The following GRK3 variants were observed in gnomAD, a reference collection of about 807,000 sequenced individuals.
The protein encoded by GRK3 is G protein-coupled receptor kinase 3.
GRK3 carries 54 observed loss-of-function variants against 95.7 expected under a neutral mutation model. That is an observed-to-expected ratio of 0.56 (90% CI 0.45 to 0.71). GRK3 has a LOEUF of 0.71. Ranked by LOEUF, GRK3 falls within the 30% of genes least tolerant of loss-of-function variation. The probability of loss-of-function intolerance (pLI) is 0.00; values close to 1 mark genes in which losing one functional copy is unlikely to be tolerated. For missense variants in GRK3, 649 were observed against 851.2 expected (o/e 0.76, Z 2.96); for synonymous variants, 281 against 290.8 (o/e 0.97, Z 0.34).
intron 17 of GRK3, among the ~76,000 whole-genome samples, chr22:25,713,825 C>T (rs1316100581): frequency 1.3e-5 from 2 of 152,176 alleles, no homozygotes; most frequent in African/African-American, 2.4e-5. Flanking sequence ...ATTGCCTGAA[C>T]TCCCCATATG....
chr22:25,662,810 A>G (rs184450408), intron 4 of GRK3, among the ~76,000 whole-genome samples: 40 of 152,290 alleles, frequency 2.6e-4, no homozygotes, highest in Middle Eastern at 3.4e-3. Context: ...TATTCGTATG[A>G]TGGTACTTTT....
chr22:25,690,160 T>G, intron 11 of GRK3, 29 bp from the exon 12 acceptor site: 1 of 1,570,884 alleles, frequency 6.4e-7, no homozygotes, highest in Non-Finnish European at 8.8e-7. Context: ...TGGGGCACTC[T>G]TATTAAAGAT....
chr22:25,618,040 TG>T, intron 2 of GRK3, among the ~76,000 whole-genome samples: 1 of 152,242 alleles, frequency 6.6e-6, no homozygotes, highest in Non-Finnish European at 1.5e-5. Flanking sequence ...CCCAAAGTGC[TG>T]GGATTACAGG....
chr22:25,581,899 CTT>C (rs1464143708), intron 1 of GRK3, among the ~76,000 whole-genome samples: 1 of 151,926 alleles, frequency 6.6e-6, no homozygotes, highest in African/African-American at 2.4e-5. Flanking sequence ...GTAAGTCTCT[CTT>C]ATTAAAATTA....
intron 1 of GRK3, among the ~76,000 whole-genome samples, 173 bp downstream of exon 1, chr22:25,565,326 T>C (rs1364938719): frequency 6.6e-6 from 1 of 152,034 alleles, no homozygotes; most frequent in Non-Finnish European, 1.5e-5. Flanking sequence ...AAATGGGGCA[T>C]CGGAGGGCCG....
At chr22:25,694,354 C>T (rs924548019) in intron 12 of GRK3, among the ~76,000 whole-genome samples, 3 of 152,166 alleles carry the variant, frequency 2.0e-5, no homozygotes, top group South Asian at 2.1e-4. Flanking sequence ...CTGCTGCAGC[C>T]GGGCAAGCTC....
At chr22:25,602,274 C>G (rs1453859051) in intron 1 of GRK3, among the ~76,000 whole-genome samples, 1 of 152,164 alleles carries the variant, frequency 6.6e-6, no homozygotes, top group Non-Finnish European at 1.5e-5. Flanking sequence ...CAATAAAATA[C>G]TACTACACAC....
intron 15 of GRK3, among the ~76,000 whole-genome samples, chr22:25,707,878 G>A (rs1189047029): frequency 2.0e-5 from 3 of 151,946 alleles, no homozygotes; most frequent in South Asian, 2.1e-4. Flanking sequence ...CTGGTGCCTC[G>A]GTGTTTCTGG....
chr22:25,709,596 TTG>T (rs3830752), intron 15 of GRK3, among the ~76,000 whole-genome samples: 16 of 150,496 alleles, frequency 1.1e-4, no homozygotes, highest in Non-Finnish European at 1.5e-4. Flanking sequence ...TATAGAATTA[TTG>T]TGTGTGTGTG....
chr22:25,648,980 A>T (rs976593992), intron 3 of GRK3: 3 of 1,028,236 alleles, frequency 2.9e-6, no homozygotes, highest in Non-Finnish European at 4.6e-6. Context: ...GCTCATTTGG[A>T]ATTCTACAGA....
At chr22:25,705,636 A>T (rs1475664604) in intron 15 of GRK3, among the ~76,000 whole-genome samples, 1 of 152,138 alleles carries the variant, frequency 6.6e-6, no homozygotes, top group African/African-American at 2.4e-5. Flanking sequence ...TCAAAAAAGA[A>T]TATGATAGTT....
intron 1 of GRK3, among the ~76,000 whole-genome samples, chr22:25,603,449 A>C (rs945081324): frequency 1.1e-4 from 16 of 152,142 alleles, no homozygotes; most frequent in African/African-American, 3.4e-4. Context: ...TCAAAGTTGA[A>C]TGTATGTGTG....
At chr22:25,691,982 G>A (rs1398559100) in intron 12 of GRK3, among the ~76,000 whole-genome samples, 1 of 151,806 alleles carries the variant, frequency 6.6e-6, no homozygotes, top group African/African-American at 2.4e-5. Context: ...TTATTTTTTT[G>A]AGACAGGGTC....
At chr22:25,623,293 G>A (rs961691040) in intron 2 of GRK3, among the ~76,000 whole-genome samples, 2 of 152,178 alleles carry the variant, frequency 1.3e-5, no homozygotes, top group Non-Finnish European at 2.9e-5. Flanking sequence ...TAGCTAATGC[G>A]CAGAAAGATG....
chr22:25,648,813 G>C, intron 3 of GRK3: 1 of 1,180,480 alleles, frequency 8.5e-7, no homozygotes, highest in Non-Finnish European at 1.3e-6. Flanking sequence ...TAATATTCTT[G>C]TAGGAGAAAA....
intron 1 of GRK3, among the ~76,000 whole-genome samples, chr22:25,595,343 C>T (rs2084365403): frequency 1.3e-5 from 2 of 152,148 alleles, no homozygotes; most frequent in South Asian, 4.1e-4. Flanking sequence ...AAATCAGTAG[C>T]ATTTCTATAC....
At chr22:25,634,823 C>G (rs2084688247) in intron 2 of GRK3, among the ~76,000 whole-genome samples, 1 of 152,116 alleles carries the variant, frequency 6.6e-6, no homozygotes, top group Non-Finnish European at 1.5e-5. Flanking sequence ...TAGTTAAAAG[C>G]CAAATTTCAG....
intron 3 of GRK3, among the ~76,000 whole-genome samples, chr22:25,653,688 A>T (rs2084850072): frequency 6.6e-6 from 1 of 152,196 alleles, no homozygotes; most frequent in Non-Finnish European, 1.5e-5. Flanking sequence ...CCTAGCAAAA[A>T]TAGAATTCAC....
intron 9 of GRK3, among the ~76,000 whole-genome samples, chr22:25,680,319 C>A (rs942780369): frequency 2.0e-5 from 3 of 152,170 alleles, no homozygotes; most frequent in Non-Finnish European, 2.9e-5. Flanking sequence ...AAGCATCCTG[C>A]ATACTCTGTT....
Sources: allele counts gnomAD v4.1 joint callset (sites outside exome capture counted in the v4.1 genomes callset), GRCh38; gene constraint gnomAD v4.1.1; transcripts MANE v1.5; gene names NCBI Gene and HGNC (gene_info 2026-07-23, HGNC 2026-07-21).